Variants in GLDC observed in about 807,000 individuals in gnomAD.
The protein encoded by GLDC is glycine decarboxylase.
In GLDC, 104 loss-of-function variants were observed where a neutral mutation model predicts 121.3. That is an observed-to-expected ratio of 0.86 (90% CI 0.73 to 1.01). GLDC has a LOEUF of 1.01. GLDC is among the 50% of genes least tolerant of loss of function. The pLI is 0.00. For synonymous variants in GLDC, 546 were observed against 480.6 expected (o/e 1.14, Z -1.78); for missense variants, 1,429 against 1,306.6 (o/e 1.09, Z -1.44).
At chr9:6,636,088 A>T (rs1360908466) in intron 2 of GLDC, among the ~76,000 whole-genome samples, 1 of 151,996 alleles carries the variant, frequency 6.6e-6, no homozygotes, top group Non-Finnish European at 1.5e-5. Context: ...AGATCATCTG[A>T]GGTCAGGAGT....
intron 9 of GLDC, among the ~76,000 whole-genome samples, chr9:6,594,023 C>T (rs1044005643): frequency 6.6e-6 from 1 of 151,908 alleles, no homozygotes; most frequent in Non-Finnish European, 1.5e-5. Flanking sequence ...GATGTGGTCT[C>T]GCTCTTGCCC....
At chr9:6,565,171 G>A (rs1054672713) in intron 16 of GLDC, among the ~76,000 whole-genome samples, 183 bp downstream of exon 16, 1 of 152,200 alleles carries the variant, frequency 6.6e-6, no homozygotes, top group Admixed American at 6.5e-5. Context: ...TCCTCAAAAT[G>A]GTCAAGTGGG....
chr9:6,593,268 G>GATATATATATATATATATATATATATAT (rs34438524), intron 9 of GLDC, among the ~76,000 whole-genome samples: 131 of 143,868 alleles, frequency 9.1e-4, no homozygotes, highest in African/African-American at 3.2e-3. Context: ...GGTAGTATCA[G>GATATATATATATATATATATATATATAT]ATATATATAT....
chr9:6,610,257 G>A lies in GLDC; in HGVS notation c.570C>T (p.Asp190=), dbSNP rs574428768. 1 of 1,614,050 alleles carries A rather than the reference G, an allele frequency of 6.2e-7. No homozygotes were observed. The highest frequency in any genetic ancestry group is 1.1e-5 in the South Asian group (1 of 91,042). The change falls in exon 4 of 25, where the codon GAC becomes GAT. Residue 190 remains aspartate (D), a synonymous_variant. Transcript: ENST00000321612. ...QTMVCDITGL[D]MANASLLDEG... The stretch of plus-strand genomic sequence containing the variant: ...CATCCAGCAGGGATGCATTGGCCAT[G>A]TCCAGGCCTGTGATGTCACACACCA...
At chr9:6,644,964 G>T (rs1033934603) in intron 1 of GLDC, 1 of 610,610 alleles carries the variant, frequency 1.6e-6, no homozygotes. Flanking sequence ...TCCTCCTCTT[G>T]CAAAGTTTAG....
chr9:6,587,330 A>T, intron 14 of GLDC, 47 bp from the exon 15 acceptor site: 1 of 1,312,964 alleles, frequency 7.6e-7, no homozygotes, highest in Non-Finnish European at 1.1e-6. Context: ...TTATAATAGC[A>T]ATAGCAATAA....
intron 3 of GLDC, among the ~76,000 whole-genome samples, chr9:6,619,730 C>T (rs946095362): frequency 1.3e-5 from 2 of 152,000 alleles, no homozygotes; most frequent in East Asian, 3.8e-4. Flanking sequence ...TCCGTCTGGG[C>T]AGGGTGGTAG....
At chr9:6,565,838 C>T in intron 15 of GLDC, 1 of 384,204 alleles carries the variant, frequency 2.6e-6, no homozygotes, top group African/African-American at 2.0e-5. Flanking sequence ...TATTATATTT[C>T]TCACTAACCA....
intron 17 of GLDC, among the ~76,000 whole-genome samples, 186 bp from the exon 18 acceptor site, chr9:6,556,488 T>C (rs1477538164): frequency 6.6e-6 from 1 of 152,142 alleles, no homozygotes; most frequent in Non-Finnish European, 1.5e-5. Flanking sequence ...TCACAAATCA[T>C]TCCAAAGAAA....
chr9:6,559,351 G>C (rs1364483301), intron 16 of GLDC, among the ~76,000 whole-genome samples: 4 of 150,846 alleles, frequency 2.7e-5, no homozygotes, highest in African/African-American at 9.8e-5. Flanking sequence ...CCCGTCTCTA[G>C]TAAAAATACA....
chr9:6,542,861 G>A (rs534083692), intron 21 of GLDC, among the ~76,000 whole-genome samples: 2 of 140,942 alleles, frequency 1.4e-5, no homozygotes, highest in African/African-American at 2.7e-5. Flanking sequence ...ATTCCAGCCT[G>A]GGTGACGGAG....
chr9:6,578,599 G>C (rs933550729), intron 15 of GLDC, among the ~76,000 whole-genome samples: 3 of 151,300 alleles, frequency 2.0e-5, no homozygotes, highest in Non-Finnish European at 2.9e-5. Flanking sequence ...GAGTGCAGTG[G>C]CGTGATCATG....
intron 17 of GLDC, chr9:6,558,044 G>A: frequency 4.6e-6 from 1 of 216,768 alleles, no homozygotes; most frequent in Non-Finnish European, 9.3e-6. Context: ...TTAAGATGCA[G>A]CTGCCAGTCC....
In GLDC at chr9:6,592,240, A is replaced by G; in HGVS notation, c.1402-17T>C. ...AATACCAAGCTACAGAAACACAAAC[A>G]AAATGGAAAACATCAACTCTAAACT... On this transcript the variant is annotated splice_polypyrimidine_tract_variant and intron_variant, in intron 10 of 24. Coordinates refer to ENST00000321612, the MANE Select transcript of GLDC (RefSeq NM_000170.3). The G allele has an allele frequency of 6.7e-7, 1 of 1,495,560 alleles. No individual in the cohort carries two copies. Among genetic ancestry groups the G allele is most frequent in the Non-Finnish European group, 9.3e-7 (1 of 1,073,004 alleles). 92.6% of individuals were successfully genotyped at this position (1,495,560 alleles called of 1,614,324 possible).
rs570952595 is a variant in GLDC at position 6,563,389 on chromosome 9, C to T, written c.1926+1965G>A. Among the ~76,000 whole-genome samples the T allele has an allele frequency of 1.3e-4, 20 of 152,354 alleles. No homozygotes were observed. The East Asian group carries it at 2.7e-3, about 21-fold the overall frequency. ...CAAACACTGCTTTCTGCGGCCTCTCCGCCAAGCAGTGGAGGAGTCGGGTGG... is the reference window on the plus strand; with the variant it reads ...CAAACACTGCTTTCTGCGGCCTCTCTGCCAAGCAGTGGAGGAGTCGGGTGG... On this transcript the variant is annotated intron_variant, in intron 16 of 24. Coordinates refer to ENST00000321612, the MANE Select transcript of GLDC (RefSeq NM_000170.3).
chr9:6,626,343 CAAG>C (rs1563868374), intron 2 of GLDC, among the ~76,000 whole-genome samples: 1 of 151,986 alleles, frequency 6.6e-6, no homozygotes, highest in African/African-American at 2.4e-5. Context: ...GGAGACCAGT[CAAG>C]AAGCGCAATT....
At chr9:6,547,784 T>C (rs1036919920) in intron 21 of GLDC, among the ~76,000 whole-genome samples, 4 of 152,158 alleles carry the variant, frequency 2.6e-5, no homozygotes, top group African/African-American at 9.7e-5. Flanking sequence ...TCAAAGAATA[T>C]TTAGTGACAG....
chr9:6,550,183 C>A (rs374572521), intron 21 of GLDC, among the ~76,000 whole-genome samples: 2 of 152,230 alleles, frequency 1.3e-5, no homozygotes, highest in African/African-American at 4.8e-5. Context: ...TCTACTCTTT[C>A]AAGGCATATC....
At chr9:6,622,581 TCGGC>T (rs1159417340) in intron 2 of GLDC, among the ~76,000 whole-genome samples, 1 of 152,066 alleles carries the variant, frequency 6.6e-6, no homozygotes, top group Admixed American at 6.5e-5. Context: ...TGGCGTGATC[TCGGC>T]TCGCTACAAC....
Sources: allele counts gnomAD v4.1 joint callset (sites outside exome capture counted in the v4.1 genomes callset), GRCh38; gene constraint gnomAD v4.1.1; transcripts MANE v1.5; gene names NCBI Gene and HGNC (gene_info 2026-07-23, HGNC 2026-07-21).